The following PAXBP1 variants were observed in gnomAD, a reference collection of about 807,000 sequenced individuals.
The protein encoded by PAXBP1 is PAX3- and PAX7-binding protein 1.
A neutral mutation model predicts 119.9 loss-of-function variants in PAXBP1; 44 were observed. That is an observed-to-expected ratio of 0.37 (90% CI 0.29 to 0.47). PAXBP1 has a LOEUF of 0.47. Ranked by LOEUF, PAXBP1 falls within the 20% of genes least tolerant of loss-of-function variation. The pLI is 0.99. For synonymous variants in PAXBP1, 393 were observed against 406.6 expected (o/e 0.97, Z 0.40); for missense variants, 898 against 1,134.1 (o/e 0.79, Z 2.99).
At chr21:32,756,638 G>A (rs2044046891) in intron 7 of PAXBP1, 3 of 260,340 alleles carry the variant, frequency 1.2e-5, no homozygotes, top group South Asian at 1.1e-4. Flanking sequence ...CCACAACATT[G>A]CCATTTACAC....
chr21:32,735,707 G>A (rs1055682406), intron 17 of PAXBP1, among the ~76,000 whole-genome samples: 5 of 152,146 alleles, frequency 3.3e-5, no homozygotes, highest in African/African-American at 1.2e-4. Flanking sequence ...GTGGGGCCCC[G>A]AGAACTTGCA....
At chr21:32,770,962 C>A (rs1301518425) in intron 1 of PAXBP1, among the ~76,000 whole-genome samples, 1 of 152,214 alleles carries the variant, frequency 6.6e-6, no homozygotes, top group African/African-American at 2.4e-5. Context: ...CAGTGACCTG[C>A]AGAGGGCTCG....
intron 2 of PAXBP1, among the ~76,000 whole-genome samples, chr21:32,767,665 T>A (rs934509665): frequency 2.0e-5 from 3 of 152,170 alleles, no homozygotes; most frequent in African/African-American, 7.2e-5. Context: ...TATCAGGGGT[T>A]TCCGCTTTTG....
At chr21:32,737,150 A>C (rs544078703) in intron 17 of PAXBP1, 104 bp downstream of exon 17, 5 of 984,460 alleles carry the variant, frequency 5.1e-6, no homozygotes, top group Non-Finnish European at 7.0e-6. Flanking sequence ...CTAAGTGAAC[A>C]TACAATTTAA....
At chr21:32,761,355 G>A (rs939697731) in intron 4 of PAXBP1, among the ~76,000 whole-genome samples, 193 bp from the exon 5 acceptor site, 2 of 152,142 alleles carry the variant, frequency 1.3e-5, no homozygotes, top group African/African-American at 4.8e-5. Context: ...TGAAGCTAAA[G>A]GCAGTATTAA....
chr21:32,746,735 G>T lies in PAXBP1; in HGVS notation c.1924-1017C>A, dbSNP rs2043877551. Among the ~76,000 whole-genome samples, 2 of 152,156 alleles carry T rather than the reference G, an allele frequency of 1.3e-5. 1 individual carries two copies. Among genetic ancestry groups the T allele is most frequent in the South Asian group, 4.1e-4 (2 of 4,828 alleles). The stretch of plus-strand genomic sequence containing the variant: ...TTTGACCCAGCAATCCCATTACTGG[G>T]TATATACCTACAGAAATATAAATCA... On this transcript the variant is annotated intron_variant, in intron 11 of 17. Coordinates refer to ENST00000331923, the MANE Select transcript of PAXBP1 (RefSeq NM_016631.4).
chr21:32,771,706 C>G lies in PAXBP1; in HGVS notation c.-38G>C. On this transcript the variant is annotated 5_prime_UTR_variant, in exon 1 of 18. Coordinates refer to ENST00000331923, the MANE Select transcript of PAXBP1 (RefSeq NM_016631.4). ...CACGGCGGTCGAATACTCGCTTCCA[C>G]ACCGCGGCCCCGGCAGCGCCGAGCT... 7.4e-7 allele frequency: 1 copy of G among 1,347,250 alleles called. No individual in the cohort carries two copies. 83.5% of individuals were successfully genotyped at this position (1,347,250 alleles called of 1,614,324 possible). A position where few individuals can be genotyped will look rare whatever the true frequency, so the allele number is the denominator to read the frequency against.
At chr21:32,738,397 C>G in intron 15 of PAXBP1, 78 bp from the exon 16 acceptor site, 1 of 1,189,564 alleles carries the variant, frequency 8.4e-7, no homozygotes, top group East Asian at 2.6e-5. Flanking sequence ...AGTAAAACAC[C>G]ATATGAAATA....
rs1248462559 is a variant in PAXBP1, at chr21:32,751,145, A to T, written c.1581T>A (p.Arg527=). ...DRALYQEHAK[R]RIAEREARRT... ...TCCTGGCCTCCCGCTCTGCAATGCGACGTTTTGCATGCTCTTGATACAGTG... is the reference window on the plus strand; with the variant it reads ...TCCTGGCCTCCCGCTCTGCAATGCGTCGTTTTGCATGCTCTTGATACAGTG... The change falls in exon 9 of 18, where the codon CGT becomes CGA. Residue 527 remains arginine, a synonymous_variant. Coordinates refer to ENST00000331923, the MANE Select transcript of PAXBP1 (RefSeq NM_016631.4). 6.2e-7 allele frequency: 1 copy of T among 1,613,850 alleles called. No homozygotes were observed. Among genetic ancestry groups the T allele is most frequent in the African/African-American group, 1.3e-5 (1 of 74,942 alleles).
chr21:32,745,521 A>C, intron 12 of PAXBP1, 53 bp downstream of exon 12: 1 of 1,595,746 alleles, frequency 6.3e-7, no homozygotes, highest in Non-Finnish European at 8.6e-7. Context: ...ATAAAAATAG[A>C]TTTGAGAAAG....
chr21:32,760,902 C>CGTGCGCGTGTGTGT (rs1491165069), intron 5 of PAXBP1, among the ~76,000 whole-genome samples, 157 bp downstream of exon 5: 1 of 127,714 alleles, frequency 7.8e-6, no homozygotes, highest in Non-Finnish European at 1.7e-5. Flanking sequence ...TGCGTGCGTG[C>CGTGCGCGTGTGTGT]GTGTGTGTGT....
rs1471595260 is a variant in PAXBP1 at position 32,759,748 on chromosome 21, C to T, written c.1193+29G>A. The T allele has an allele frequency of 8.9e-6, 14 of 1,564,574 alleles. No homozygotes were observed. In the Admixed American group the frequency reaches 2.3e-4, roughly 26 times the overall value. Reference sequence around the variant, plus strand: ...CCTGAGGGAACAGAAAGCTAGCGGACAGGTCTTTAAGAAGTTGATCTGCCC... The same window carrying T: ...CCTGAGGGAACAGAAAGCTAGCGGATAGGTCTTTAAGAAGTTGATCTGCCC... On this transcript the variant is annotated intron_variant, in intron 6 of 17. Transcript: ENST00000331923.
intron 3 of PAXBP1, among the ~76,000 whole-genome samples, chr21:32,763,334 T>C (rs2044181952): frequency 6.6e-6 from 1 of 152,200 alleles, no homozygotes; most frequent in South Asian, 2.1e-4. Flanking sequence ...TAAATGTTGC[T>C]CATTGCAAAT....
rs746404447 is a variant in PAXBP1, at chr21:32,771,687, G to T, written c.-19C>A. The stretch of plus-strand genomic sequence containing the variant: ...GGAACATCCCCGCGGCCCGCACGGC[G>T]GTCGAATACTCGCTTCCACACCGCG... On this transcript the variant is annotated 5_prime_UTR_variant, in exon 1 of 18. Coordinates refer to ENST00000331923, the MANE Select transcript of PAXBP1 (RefSeq NM_016631.4). 1.4e-6 allele frequency: 2 copies of T among 1,384,636 alleles called. No homozygotes were observed. Among genetic ancestry groups the T allele is most frequent in the Non-Finnish European group, 1.9e-6 (2 of 1,073,656 alleles). 85.8% of individuals were successfully genotyped at this position (1,384,636 alleles called of 1,614,324 possible).
rs569352538 is a variant in PAXBP1, at chr21:32,743,887, G to A, written c.2191-133C>T. The A allele has an allele frequency of 8.7e-6, 5 of 577,258 alleles. No homozygotes were observed. In the South Asian group the frequency reaches 9.2e-5, roughly 11 times the overall value. 35.8% of individuals were successfully genotyped at this position (577,258 alleles called of 1,614,324 possible). On this transcript the variant is annotated intron_variant, in intron 13 of 17. Transcript: ENST00000331923. ...CAAATTTTTAATTTTCCTCATTGAA[G>A]ACCCTAAAGTAATTAATACTTAATA...
chr21:32,765,050 A>T (rs1297364522), intron 2 of PAXBP1, among the ~76,000 whole-genome samples: 2 of 152,172 alleles, frequency 1.3e-5, no homozygotes, highest in Non-Finnish European at 2.9e-5. Context: ...GTCACCTATC[A>T]CCTAAAGAGA....
Position 32,750,950 on chromosome 21 carries a change from A to C in PAXBP1, c.1690T>G (p.Ser564Ala), listed in dbSNP as rs1248226518. 1 of 1,613,588 alleles carries C rather than the reference A, an allele frequency of 6.2e-7. No homozygotes were observed. The highest frequency in any genetic ancestry group is 8.5e-7 in the Non-Finnish European group (1 of 1,179,818). ...EGLSSDDEET[S>A]TDITNFNLEK... ...AGATTGAAATTAGTAATATCTGTAG[A>C]AGTTTCTTCATCATCACTGGAAAGG... is the stretch of plus-strand genomic sequence containing the variant. The change falls in exon 10 of 18, where the codon TCT becomes GCT. Residue 564 changes from serine (S) to alanine (A), a missense_variant. Transcript: ENST00000331923.
intron 8 of PAXBP1, among the ~76,000 whole-genome samples, chr21:32,754,328 C>T (rs1019131364): frequency 6.6e-6 from 1 of 152,108 alleles, no homozygotes; most frequent in Non-Finnish European, 1.5e-5. Flanking sequence ...GGGGATAGAA[C>T]CAGAAAATCT....
chr21:32,736,332 G>A (rs2043692231), intron 17 of PAXBP1, among the ~76,000 whole-genome samples: 14 of 152,038 alleles, frequency 9.2e-5, no homozygotes, highest in Admixed American at 9.2e-4. Flanking sequence ...GGGACTATAG[G>A]CACGCACCAC....
Sources: gnomAD v4.1 joint callset for allele counts (sites outside exome capture counted in the v4.1 genomes callset) on GRCh38, gnomAD v4.1.1 for gene constraint, MANE v1.5 for transcripts, NCBI Gene and HGNC (gene_info 2026-07-23, HGNC 2026-07-21) for gene names.